The following PCDH15 variants were observed in gnomAD, a reference collection of about 807,000 sequenced individuals.
PCDH15 encodes the protein protocadherin related 15.
PCDH15 carries 129 observed loss-of-function variants against 178.5 expected under a neutral mutation model. The observed-to-expected ratio is 0.72, with a 90% CI of 0.63 to 0.84. The LOEUF is 0.84. Ranked by LOEUF, PCDH15 falls within the 40% of genes least tolerant of loss-of-function variation. The probability of loss-of-function intolerance (pLI) is 0.00; values close to 1 mark genes in which losing one functional copy is unlikely to be tolerated. For synonymous variants in PCDH15, 800 were observed against 732.0 expected (o/e 1.09, Z -1.50); for missense variants, 2,230 against 2,099.9 (o/e 1.06, Z -1.21).
intron 3 of PCDH15, among the ~76,000 whole-genome samples, chr10:54,819,813 G>C (rs1426844677): frequency 6.6e-6 from 1 of 151,984 alleles, no homozygotes; most frequent in African/African-American, 2.4e-5. Flanking sequence ...GCACTTGTGA[G>C]TAGATCATGT....
chr10:55,109,233 C>T (rs959445737), intron 2 of PCDH15, among the ~76,000 whole-genome samples: 1 of 152,180 alleles, frequency 6.6e-6, no homozygotes, highest in East Asian at 1.9e-4. Flanking sequence ...ATAACCACTT[C>T]GTGGAGTTTA....
At chr10:54,747,424 T>C (rs1945611685) in intron 1 of PCDH15, among the ~76,000 whole-genome samples, 1 of 152,208 alleles carries the variant, frequency 6.6e-6, no homozygotes, top group Non-Finnish European at 1.5e-5. Context: ...AATCAACCAG[T>C]GATGTTTTCA....
At chr10:54,070,495 C>T (rs1341451958) in intron 17 of PCDH15, among the ~76,000 whole-genome samples, 1 of 152,180 alleles carries the variant, frequency 6.6e-6, no homozygotes, top group Admixed American at 6.5e-5. Flanking sequence ...TGAGCCATCG[C>T]ACCCAGCTTA....
intron 1 of PCDH15, among the ~76,000 whole-genome samples, chr10:54,735,874 G>C (rs1164731886): frequency 1.7e-5 from 2 of 116,886 alleles, no homozygotes; most frequent in African/African-American, 6.8e-5. Flanking sequence ...TGTGGGGTGG[G>C]GGGAGGGGGG....
intron 10 of PCDH15, among the ~76,000 whole-genome samples, chr10:54,197,137 T>C (rs981069759): frequency 1.3e-5 from 2 of 152,158 alleles, no homozygotes; most frequent in African/African-American, 4.8e-5. Flanking sequence ...TGAATTGCAA[T>C]ATTATTTAAC....
intron 2 of PCDH15, among the ~76,000 whole-genome samples, chr10:54,929,156 A>T (rs1254931123): frequency 2.0e-5 from 3 of 152,190 alleles, no homozygotes; most frequent in African/African-American, 7.2e-5. Context: ...GGCATAAGCC[A>T]ATTGAATGGC....
chr10:55,370,741 C>G (rs140006802), intron 2 of PCDH15, among the ~76,000 whole-genome samples: 619 of 152,220 alleles, frequency 4.1e-3, no homozygotes, highest in African/African-American at 0.014. Flanking sequence ...AGTTGCTGAG[C>G]AGGCCAACTC....
intron 2 of PCDH15, among the ~76,000 whole-genome samples, chr10:55,030,069 T>TA (rs1408700569): frequency 1.3e-5 from 2 of 152,330 alleles, no homozygotes; most frequent in South Asian, 2.1e-4. Flanking sequence ...TATTTTGTCT[T>TA]ACACAAGTTA....
intron 8 of PCDH15, among the ~76,000 whole-genome samples, chr10:54,314,603 G>T (rs976665308): frequency 1.3e-5 from 2 of 151,996 alleles, no homozygotes; most frequent in African/African-American, 2.4e-5. Flanking sequence ...TCGTGTCATG[G>T]GAGGTTGTTG....
At chr10:55,235,578 A>G (rs185405352) in intron 1 of PCDH15, among the ~76,000 whole-genome samples, 2 of 152,162 alleles carry the variant, frequency 1.3e-5, no homozygotes, top group Admixed American at 6.5e-5. Flanking sequence ...CACATTGCCC[A>G]AACTTCACAT....
chr10:54,119,757 G>A (rs1021257488), intron 15 of PCDH15, among the ~76,000 whole-genome samples: 2 of 151,904 alleles, frequency 1.3e-5, no homozygotes, highest in Admixed American at 6.6e-5. Context: ...TCAAAATAGC[G>A]AATTTCATTG....
chr10:55,346,693 C>CTT (rs112923658), intron 2 of PCDH15, among the ~76,000 whole-genome samples: 5 of 139,202 alleles, frequency 3.6e-5, no homozygotes, highest in East Asian at 2.1e-4. Context: ...TATCTTTGGA[C>CTT]TTTTTTTTTT....
chr10:55,084,338 C>T lies in PCDH15; in HGVS notation c.-80+82238G>A, dbSNP rs541015703. Among the ~76,000 whole-genome samples, 4 of 151,104 alleles carry T rather than the reference C, an allele frequency of 2.6e-5. No individual in the cohort carries two copies. The South Asian group carries it at 8.3e-4, about 31-fold the overall frequency. ...TACATTGGGGAGAGAACAGTCTCTTCAAAAAAAGGTGCTTAGAGACTGATT... is the reference window on the plus strand; with the variant it reads ...TACATTGGGGAGAGAACAGTCTCTTTAAAAAAAGGTGCTTAGAGACTGATT... On this transcript the variant is annotated intron_variant, in intron 2 of 5. Transcript: ENST00000458638.
At chr10:54,023,844 A>C (rs2093003237) in intron 18 of PCDH15, among the ~76,000 whole-genome samples, 1 of 151,870 alleles carries the variant, frequency 6.6e-6, no homozygotes, top group Non-Finnish European at 1.5e-5. Flanking sequence ...TTACACAAGA[A>C]AGAAATATCT....
intron 1 of PCDH15, among the ~76,000 whole-genome samples, chr10:54,771,439 T>C (rs1949078555): frequency 6.6e-6 from 1 of 152,120 alleles, no homozygotes; most frequent in Admixed American, 6.6e-5. Flanking sequence ...TATGTTATTT[T>C]CCCAAACCAT....
At chr10:53,847,020 G>T (rs773003550) in intron 28 of PCDH15, among the ~76,000 whole-genome samples, 1 of 151,958 alleles carries the variant, frequency 6.6e-6, no homozygotes, top group African/African-American at 2.4e-5. Context: ...GCTGGTAGAC[G>T]TAGATTAAAA....
At chr10:55,483,909 T>A (rs2132121027) in intron 2 of PCDH15, among the ~76,000 whole-genome samples, 1 of 151,464 alleles carries the variant, frequency 6.6e-6, no homozygotes, top group South Asian at 2.1e-4. Flanking sequence ...AACCTAAATG[T>A]CCATCAATGA....
intron 2 of PCDH15, among the ~76,000 whole-genome samples, chr10:55,050,015 G>A (rs1409777936): frequency 1.3e-5 from 2 of 151,904 alleles, no homozygotes; most frequent in Non-Finnish European, 2.9e-5. Context: ...TTCCAACATA[G>A]TTACAAATAT....
At chr10:55,401,786 C>T (rs1024121646) in intron 2 of PCDH15, among the ~76,000 whole-genome samples, 6 of 151,936 alleles carry the variant, frequency 3.9e-5, no homozygotes, top group African/African-American at 1.4e-4. Context: ...TTAGACAAAA[C>T]ATATTGATAT....
Sources: allele counts gnomAD v4.1 joint callset (sites outside exome capture counted in the v4.1 genomes callset), GRCh38; gene constraint gnomAD v4.1.1; transcripts MANE v1.5; gene names NCBI Gene and HGNC (gene_info 2026-07-23, HGNC 2026-07-21).